The following PTPRO variants were observed in gnomAD, a reference collection of about 807,000 sequenced individuals.
The protein encoded by PTPRO is receptor-type tyrosine-protein phosphatase O.
In PTPRO, 62 loss-of-function variants were observed where a neutral mutation model predicts 145.2. The observed-to-expected ratio is 0.43, with a 90% CI of 0.35 to 0.53. The LOEUF is 0.53. Ranked by LOEUF, PTPRO falls within the 20% of genes least tolerant of loss-of-function variation. The pLI, the probability that PTPRO is intolerant of heterozygous loss-of-function variation, is 0.01. For synonymous variants in PTPRO, 565 were observed against 514.7 expected (o/e 1.10, Z -1.32); for missense variants, 1,345 against 1,482.7 (o/e 0.91, Z 1.53).
intron 1 of PTPRO, among the ~76,000 whole-genome samples, chr12:15,428,146 C>T (rs983404624): frequency 2.0e-5 from 3 of 152,106 alleles, no homozygotes; most frequent in Non-Finnish European, 4.4e-5. Flanking sequence ...ATTGCAAAAG[C>T]AAGTGCTCAT....
At chr12:15,586,229 A>G (rs902240066) in intron 23 of PTPRO, among the ~76,000 whole-genome samples, 4 of 152,238 alleles carry the variant, frequency 2.6e-5, no homozygotes, top group African/African-American at 9.6e-5. Context: ...GGGAAAGCCC[A>G]TAAGGGAGCA....
intron 1 of PTPRO, among the ~76,000 whole-genome samples, chr12:15,358,744 G>C (rs901627962): frequency 1.3e-5 from 2 of 151,994 alleles, no homozygotes; most frequent in Admixed American, 1.3e-4. Flanking sequence ...TGTTTTACCT[G>C]TTATTTAATG....
intron 3 of PTPRO, among the ~76,000 whole-genome samples, chr12:15,498,063 C>G (rs1942144599): frequency 2.0e-5 from 3 of 149,648 alleles, no homozygotes; most frequent in African/African-American, 7.4e-5. Context: ...CTTGAATACG[C>G]TCAGGGCACA....
chr12:15,386,146 A>G (rs1164124539), intron 1 of PTPRO, among the ~76,000 whole-genome samples: 1 of 152,162 alleles, frequency 6.6e-6, no homozygotes, highest in African/African-American at 2.4e-5. Flanking sequence ...AAGCTCAAAG[A>G]CACACAAAAA....
chr12:15,493,975 A>G (rs1196504266), intron 2 of PTPRO, among the ~76,000 whole-genome samples: 3 of 152,220 alleles, frequency 2.0e-5, no homozygotes, highest in Non-Finnish European at 2.9e-5. Context: ...AAATCTTAAA[A>G]CAATGTTAGG....
chr12:15,525,194 A>G (rs1163449392), intron 11 of PTPRO, among the ~76,000 whole-genome samples: 1 of 152,192 alleles, frequency 6.6e-6, no homozygotes, highest in African/African-American at 2.4e-5. Context: ...TTTCATTTAT[A>G]TTTAGAATTA....
intron 23 of PTPRO, among the ~76,000 whole-genome samples, chr12:15,584,102 A>G (rs1032451148): frequency 4.6e-5 from 7 of 152,218 alleles, no homozygotes; most frequent in African/African-American, 1.2e-4. Context: ...AAGCTGCTTT[A>G]TCACAGCACA....
chr12:15,511,383 G>T (rs1463609883), intron 7 of PTPRO, among the ~76,000 whole-genome samples: 2 of 152,204 alleles, frequency 1.3e-5, no homozygotes, highest in African/African-American at 4.8e-5. Context: ...TAAATATTCA[G>T]AAATTGGGGA....
Position 15,508,821 on chromosome 12 carries a change from A to G in PTPRO, c.1464+54A>G, listed in dbSNP as rs569374006. On this transcript the variant is annotated intron_variant, in intron 7 of 26. Transcript: ENST00000281171. ...GCCGGTCCTTCCTAAGCACAACCTT[A>G]CAGGGCAATGCCAAGGAGGCAATTG... The G allele has an allele frequency of 2.9e-5, 46 of 1,565,202 alleles. 2 individuals carry two copies. The South Asian group carries it at 5.0e-4, about 17-fold the overall frequency.
At chr12:15,436,179 G>T (rs1318956355) in intron 1 of PTPRO, among the ~76,000 whole-genome samples, 1 of 152,128 alleles carries the variant, frequency 6.6e-6, no homozygotes, top group African/African-American at 2.4e-5. Flanking sequence ...AAGCAGGAAA[G>T]ATCTAAAACT....
rs575148282 is a variant in PTPRO at position 15,542,002 on chromosome 12, C to T, written c.2165-4567C>T. On this transcript the variant is annotated intron_variant, in intron 12 of 26. Transcript: ENST00000281171. ...CTCCAGCCTGGGTGACAGAGCAAGACTCCACCTCAAAAAAAAAAATAGTCA... is the reference window on the plus strand; with the variant it reads ...CTCCAGCCTGGGTGACAGAGCAAGATTCCACCTCAAAAAAAAAAATAGTCA... Among the ~76,000 whole-genome samples, 11 of 151,694 alleles carry T rather than the reference C, an allele frequency of 7.3e-5. No individual in the cohort carries two copies. In the South Asian group the frequency reaches 1.3e-3, roughly 17 times the overall value.
Position 15,344,785 on chromosome 12 carries a change from C to A in PTPRO, c.75+21984C>A, listed in dbSNP as rs1049220693. On this transcript the variant is annotated intron_variant, in intron 1 of 26. Coordinates refer to ENST00000281171, the MANE Select transcript of PTPRO (RefSeq NM_030667.3). The stretch of plus-strand genomic sequence containing the variant: ...GGCCTACCATACCAACCTCACACTT[C>A]CATGGCACCATCCCTCCATGATAAA... 2.6e-5 allele frequency among the ~76,000 whole-genome samples: 4 copies of A among 152,188 alleles called. No individual in the cohort carries two copies. The South Asian group carries it at 8.3e-4, about 32-fold the overall frequency.
intron 1 of PTPRO, among the ~76,000 whole-genome samples, chr12:15,360,149 T>TA: frequency 6.6e-6 from 1 of 152,346 alleles, no homozygotes; most frequent in African/African-American, 2.4e-5. Flanking sequence ...TTACCCTTCT[T>TA]AAAATGTATC....
chr12:15,446,323 G>A lies in PTPRO; in HGVS notation c.76-37651G>A, dbSNP rs549800162. Among the ~76,000 whole-genome samples, 114 of 152,088 alleles carry A rather than the reference G, an allele frequency of 7.5e-4. 1 individual carries two copies. The highest frequency in any genetic ancestry group is 9.0e-4 in the Non-Finnish European group (61 of 67,974). ...GAAAATTATTATTATAGAAGAAATT[G>A]AATCAGAAAAACACCTTTCAAAACC... On this transcript the variant is annotated intron_variant, in intron 1 of 26. Transcript: ENST00000281171.
intron 1 of PTPRO, among the ~76,000 whole-genome samples, chr12:15,381,980 A>C (rs1290772281): frequency 5.3e-5 from 8 of 152,046 alleles, no homozygotes; most frequent in Admixed American, 2.0e-4. Flanking sequence ...TTATCTGAGC[A>C]AAATAAATTA....
In PTPRO at chr12:15,419,981, A is replaced by G. The variant is rs191876276; in HGVS notation, c.76-63993A>G. The stretch of plus-strand genomic sequence containing the variant: ...GCTGACACGGTGAAACCCCGTCTCT[A>G]CTAAAAATACAAAAAATTAGCTGGG... On this transcript the variant is annotated intron_variant, in intron 1 of 26. Transcript: ENST00000281171. Among the ~76,000 whole-genome samples the G allele has an allele frequency of 1.7e-3, 253 of 151,404 alleles. 11 individuals carry two copies. The highest frequency in any genetic ancestry group is 5.9e-3 in the African/African-American group (241 of 40,838).
intron 1 of PTPRO, among the ~76,000 whole-genome samples, chr12:15,479,705 C>G (rs1319928020): frequency 6.6e-6 from 1 of 152,178 alleles, no homozygotes; most frequent in Non-Finnish European, 1.5e-5. Flanking sequence ...AAGACAGTAG[C>G]AGAATACACT....
Position 15,596,923 on chromosome 12 carries a change from G to A in PTPRO, c.*850G>A, listed in dbSNP as rs578049964. The A allele has an allele frequency of 1.3e-5, 2 of 152,708 alleles. No individual in the cohort carries two copies. The highest frequency in any genetic ancestry group is 3.9e-4 in the East Asian group (2 of 5,192). The allele number at this position is 152,708 out of a possible 1,614,324, so 9.5% of individuals were successfully genotyped here. ...CTGTTGCTGTCTGAGCAATCGTGGT[G>A]CCTAGACTTTGCATTCCTTGTTCTG... On this transcript the variant is annotated 3_prime_UTR_variant, in exon 27 of 27. Transcript: ENST00000281171.
intron 25 of PTPRO, among the ~76,000 whole-genome samples, chr12:15,594,629 A>G (rs1288813437): frequency 6.6e-6 from 1 of 151,996 alleles, no homozygotes; most frequent in Admixed American, 6.6e-5. Context: ...ATTTCATAAC[A>G]TATATGTATA....
Sources: gnomAD v4.1 joint callset for allele counts (sites outside exome capture counted in the v4.1 genomes callset) on GRCh38, gnomAD v4.1.1 for gene constraint, MANE v1.5 for transcripts, NCBI Gene and HGNC (gene_info 2026-07-23, HGNC 2026-07-21) for gene names.